Variants in RRM1 observed in about 807,000 individuals in gnomAD.
RRM1 encodes ribonucleoside-diphosphate reductase large subunit.
In RRM1, 19 loss-of-function variants were observed where a neutral mutation model predicts 101.5. The ratio of observed to expected loss-of-function variants is 0.19; its 90% CI spans 0.13 to 0.27. The LOEUF (loss-of-function observed/expected upper bound fraction) is 0.27, where lower values mean the gene tolerates loss of function less well. Among genes scored for constraint, RRM1 ranks in the 10% least tolerant of loss-of-function variants. The probability of loss-of-function intolerance (pLI) is 1.00; values close to 1 mark genes in which losing one functional copy is unlikely to be tolerated. For synonymous variants in RRM1, 298 were observed against 323.4 expected, an observed-to-expected ratio of 0.92 and a Z score of 0.84; for missense variants, 500 against 962.9, an observed-to-expected ratio of 0.52 and a Z score of 6.36.
At chr11:4,123,526 GA>G (rs2094584925) in intron 12 of RRM1, 142 bp downstream of exon 12, 1 of 687,864 alleles carries the variant, frequency 1.5e-6, no homozygotes, top group Non-Finnish European at 2.5e-6. Flanking sequence ...TAAAGGCAGA[GA>G]GCAAAGGAAG....
At chr11:4,116,402 G>T (rs2094573418) in intron 7 of RRM1, 1 of 152,258 alleles carries the variant, frequency 6.6e-6, no homozygotes, top group Admixed American at 6.5e-5. Context: ...GACCAGCCTG[G>T]CCAACATGGC....
At chr11:4,135,664 C>T (rs2094608260) in intron 18 of RRM1, among the ~76,000 whole-genome samples, 1 of 152,052 alleles carries the variant, frequency 6.6e-6, no homozygotes, top group African/African-American at 2.4e-5. Flanking sequence ...TGTGCATTAC[C>T]ACCATTCCTC....
At chr11:4,108,807 A>G (rs80080841) in intron 4 of RRM1, among the ~76,000 whole-genome samples, 3 of 152,232 alleles carry the variant, frequency 2.0e-5, no homozygotes, top group Non-Finnish European at 4.4e-5. Flanking sequence ...TCAGTTCTCT[A>G]ATATTCACAC....
In RRM1 at chr11:4,123,246, T is replaced by C. The variant is rs1315884744; in HGVS notation, c.1182T>C (p.Ile394=). 2.5e-6 allele frequency: 4 copies of C among 1,614,040 alleles called. No individual in the cohort carries two copies. The highest frequency in any genetic ancestry group is 3.4e-6 in the Non-Finnish European group (4 of 1,180,032). Residue 394 remains isoleucine, a synonymous_variant, in exon 12 of 19, where the codon ATT becomes ATC. Transcript: ENST00000300738. ...VKAQQLWYAI[I]ESQTETGTPY... Reference sequence around the variant, plus strand: ...CTCAGCAGCTTTGGTATGCCATCATTGAGTCTCAGACGGAAACAGGCACCC... The same window carrying C: ...CTCAGCAGCTTTGGTATGCCATCATCGAGTCTCAGACGGAAACAGGCACCC...
At chr11:4,111,193 A>G (rs1021974017) in intron 5 of RRM1, among the ~76,000 whole-genome samples, 3 of 152,018 alleles carry the variant, frequency 2.0e-5, no homozygotes, top group African/African-American at 7.2e-5. Flanking sequence ...TTTTTTTTAA[A>G]AAAAGTGCCA....
intron 12 of RRM1, 113 bp from the exon 13 acceptor site, chr11:4,126,571 A>G: frequency 1.1e-6 from 1 of 886,946 alleles, no homozygotes; most frequent in African/African-American, 1.7e-5. Context: ...GAAGTCAAAT[A>G]TAAAAATTTA....
chr11:4,125,068 C>T (rs2094587476), intron 12 of RRM1, among the ~76,000 whole-genome samples: 1 of 151,920 alleles, frequency 6.6e-6, no homozygotes, highest in African/African-American at 2.4e-5. Context: ...GCGCGTGCCA[C>T]CACACCCAGC....
chr11:4,117,698 A>G (rs969538761), intron 7 of RRM1, among the ~76,000 whole-genome samples: 4 of 152,224 alleles, frequency 2.6e-5, no homozygotes, highest in Non-Finnish European at 4.4e-5. Context: ...ATCATTCTCT[A>G]TATTTTTCTG....
intron 17 of RRM1, among the ~76,000 whole-genome samples, chr11:4,134,099 C>T (rs1225623046): frequency 2.0e-5 from 3 of 150,652 alleles, no homozygotes; most frequent in Non-Finnish European, 4.4e-5. Flanking sequence ...TCTCCTGCCT[C>T]AGCCTCCCAA....
chr11:4,110,259 TCTC>T (rs1467331192), intron 5 of RRM1, among the ~76,000 whole-genome samples: 1 of 152,046 alleles, frequency 6.6e-6, no homozygotes, highest in East Asian at 2.0e-4. Flanking sequence ...TATAAGCAGT[TCTC>T]CTGCCTCAGC....
intron 13 of RRM1, 79 bp from the exon 14 acceptor site, chr11:4,126,956 C>A: frequency 7.0e-7 from 1 of 1,438,824 alleles, no homozygotes; most frequent in Non-Finnish European, 9.5e-7. Context: ...AAGAGGTAGT[C>A]TGTCTCATTT....
At position 4,138,763 on chromosome 11, in the gene RRM1, G is replaced by A. The variant is rs1026077933; in HGVS notation, c.*380G>A. 4.7e-6 allele frequency: 1 copy of A among 213,754 alleles called. No individual in the cohort carries two copies. The highest frequency in any genetic ancestry group is 9.4e-6 in the Non-Finnish European group (1 of 106,396). 13.2% of individuals were successfully genotyped at this position (213,754 alleles called of 1,614,324 possible). On this transcript the variant is annotated 3_prime_UTR_variant, in exon 19 of 19. Coordinates refer to ENST00000300738, the MANE Select transcript of RRM1 (RefSeq NM_001033.5). ...GAGATTTAGTTTTACTGCTTTGACT[G>A]GTGGGTCTCTAGAAGCAAAACTGAG... is the stretch of plus-strand genomic sequence containing the variant.
Position 4,135,117 on chromosome 11 carries a change from T to G in RRM1, c.2037T>G (p.Leu679=). 6.2e-7 allele frequency: 1 copy of G among 1,612,900 alleles called. No individual in the cohort carries two copies. The highest frequency in any genetic ancestry group is 8.5e-7 in the Non-Finnish European group (1 of 1,179,388). ...AAATTCCTGATGACCTGAAGCAACT[T>G]TATAAAACTGTGTGGGAAATCTCTC... ...IPEIPDDLKQ[L]YKTVWEISQK... The change falls in exon 18 of 19, where the codon CTT becomes CTG. Residue 679 remains leucine, a synonymous_variant. Coordinates refer to ENST00000300738, the MANE Select transcript of RRM1 (RefSeq NM_001033.5).
At chr11:4,134,085 C>G (rs376192482) in intron 17 of RRM1, among the ~76,000 whole-genome samples, 207 of 141,170 alleles carry the variant, frequency 1.5e-3, no homozygotes, top group Non-Finnish European at 2.5e-3. Context: ...TAGGTTCAAG[C>G]GATTCTCCTG....
chr11:4,102,637 G>A (rs2094553147), intron 2 of RRM1, among the ~76,000 whole-genome samples: 1 of 149,446 alleles, frequency 6.7e-6, no homozygotes, highest in Non-Finnish European at 1.5e-5. Flanking sequence ...GGGCGACAGA[G>A]CGAGACTCCC....
chr11:4,122,063 T>G lies in RRM1; in HGVS notation c.1039-78T>G, dbSNP rs971477474. On this transcript the variant is annotated intron_variant, in intron 10 of 18. Transcript: ENST00000300738. ...CCAAGAGAGCTTGTAAAAGTCACCT[T>G]ATGCTTGCAGTGTTTCTAATGGATT... The G allele has an allele frequency of 6.5e-5, 73 of 1,126,326 alleles. No individual in the cohort carries two copies. The African/African-American group carries it at 1.0e-3, about 16-fold the overall frequency. The allele number at this position is 1,126,326 out of a possible 1,614,324, so 69.8% of individuals were successfully genotyped here.
chr11:4,138,635 G>C lies in RRM1; in HGVS notation c.*252G>C. The C allele has an allele frequency of 3.3e-6, 1 of 300,010 alleles. No homozygotes were observed. The highest frequency in any genetic ancestry group is 6.1e-6 in the Non-Finnish European group (1 of 163,744). 18.6% of individuals were successfully genotyped at this position (300,010 alleles called of 1,614,324 possible). A position where few individuals can be genotyped will look rare whatever the true frequency, so the allele number is the denominator to read the frequency against. ...GGATATATTGAGAATCAAAGTAGAAGTTTTAGGAATGCAAAATAAGTCATC... is the reference window on the plus strand; with the variant it reads ...GGATATATTGAGAATCAAAGTAGAACTTTTAGGAATGCAAAATAAGTCATC... On this transcript the variant is annotated 3_prime_UTR_variant, in exon 19 of 19. Coordinates refer to ENST00000300738, the MANE Select transcript of RRM1 (RefSeq NM_001033.5).
At position 4,132,103 on chromosome 11, in the gene RRM1, A is replaced by G. The variant is rs891486976; in HGVS notation, c.1770-183A>G. On this transcript the variant is annotated intron_variant, in intron 15 of 18. Transcript: ENST00000300738. The surrounding 1 kb of genome is among the most constrained non-coding windows in gnomAD (Gnocchi z 4.1). ...AGGAGAGTGGGCTATAATAGCACCC[A>G]TACTGTGGAATTGCCTCCCTGTAGG... 1.3e-5 allele frequency among the ~76,000 whole-genome samples: 2 copies of G among 152,226 alleles called. No individual in the cohort carries two copies. The highest frequency in any genetic ancestry group is 2.9e-5 in the Non-Finnish European group (2 of 68,030).
At chr11:4,122,101 T>A in intron 10 of RRM1, 40 bp from the exon 11 acceptor site, 1 of 1,485,248 alleles carries the variant, frequency 6.7e-7, no homozygotes, top group Non-Finnish European at 9.3e-7. Context: ...GGTTGGCTAT[T>A]TGAAGTTTCT....
Sources: gnomAD v4.1 joint callset for allele counts (sites outside exome capture counted in the v4.1 genomes callset) on GRCh38, gnomAD v4.1.1 for gene constraint, Gnocchi (gnomAD v3.1) non-coding constraint, MANE v1.5 for transcripts, NCBI Gene and HGNC (gene_info 2026-07-23, HGNC 2026-07-21) for gene names.